Variants in ESRRG observed in about 807,000 individuals in gnomAD.
ESRRG encodes estrogen related receptor gamma.
Under a neutral mutation model 44.0 loss-of-function variants are expected in ESRRG, and 13 were observed. The observed-to-expected ratio is 0.30, with a 90% confidence interval of 0.19 to 0.47. The LOEUF (loss-of-function observed/expected upper bound fraction) is 0.47, where lower values mean the gene tolerates loss of function less well. Among genes scored for constraint, ESRRG ranks in the 20% least tolerant of loss-of-function variants. The pLI, the probability that ESRRG is intolerant of heterozygous loss-of-function variation, is 1.00. For synonymous variants in ESRRG, 215 were observed against 214.6 expected, an observed-to-expected ratio of 1.00 and a Z score of -0.02; for missense variants, 395 against 580.6, an observed-to-expected ratio of 0.68 and a Z score of 3.29.
At chr1:216,514,368 T>C (rs1412862225) in intron 6 of ESRRG, among the ~76,000 whole-genome samples, 11 of 152,242 alleles carry the variant, frequency 7.2e-5, no homozygotes, top group Non-Finnish European at 1.2e-4. Flanking sequence ...TTACTTATGG[T>C]TTGTTCTGGG....
chr1:216,819,760 A>G (rs368220368), intron 2 of ESRRG, among the ~76,000 whole-genome samples: 1 of 152,138 alleles, frequency 6.6e-6, no homozygotes, highest in East Asian at 1.9e-4. Context: ...TGGTTTGTTA[A>G]TATTAATAAT....
chr1:216,879,326 C>T (rs1222910481), intron 2 of ESRRG, among the ~76,000 whole-genome samples: 1 of 151,872 alleles, frequency 6.6e-6, no homozygotes, highest in Non-Finnish European at 1.5e-5. Context: ...CTGTCCACTG[C>T]AATTCATCTC....
intron 1 of ESRRG, among the ~76,000 whole-genome samples, chr1:216,717,602 A>T (rs1243688215): frequency 6.6e-6 from 1 of 151,830 alleles, no homozygotes; most frequent in Non-Finnish European, 1.5e-5. Context: ...AGGAATTTTA[A>T]AAAGAACATG....
intron 1 of ESRRG, among the ~76,000 whole-genome samples, chr1:217,110,681 T>A (rs1453487889): frequency 6.6e-6 from 1 of 152,030 alleles, no homozygotes; most frequent in East Asian, 1.9e-4. Flanking sequence ...CAACCAGATC[T>A]CACGAGAACT....
At chr1:216,921,816 A>T (rs904594653) in intron 2 of ESRRG, among the ~76,000 whole-genome samples, 7 of 152,228 alleles carry the variant, frequency 4.6e-5, no homozygotes, top group Non-Finnish European at 8.8e-5. Flanking sequence ...TCCCTGCTGC[A>T]TCTCTAAGGC....
chr1:216,956,662 T>A (rs1194453968), intron 1 of ESRRG, among the ~76,000 whole-genome samples: 1 of 152,172 alleles, frequency 6.6e-6, no homozygotes, highest in Non-Finnish European at 1.5e-5. Context: ...AAAAAGATTG[T>A]CTTGTGGTGA....
intron 3 of ESRRG, among the ~76,000 whole-genome samples, chr1:216,650,609 A>G (rs1352045730): frequency 6.6e-6 from 1 of 152,208 alleles, no homozygotes; most frequent in Non-Finnish European, 1.5e-5. Context: ...TTAATTAAAA[A>G]AAAAAAATCT....
chr1:216,797,556 A>T (rs1020214065), intron 2 of ESRRG, among the ~76,000 whole-genome samples: 2 of 152,192 alleles, frequency 1.3e-5, no homozygotes, highest in Admixed American at 1.3e-4. Flanking sequence ...AAGGGGGGAA[A>T]AAAATCCCAT....
At chr1:217,092,046 T>C (rs1355115572), upstream of ESRRG, among the ~76,000 whole-genome samples, 1 of 152,186 alleles carries the variant, frequency 6.6e-6, no homozygotes, top group Non-Finnish European at 1.5e-5. Context: ...GAGTGGTTTC[T>C]TACCCCAGGA....
At chr1:217,050,319 T>G (rs933405122) in intron 1 of ESRRG, among the ~76,000 whole-genome samples, 1 of 152,174 alleles carries the variant, frequency 6.6e-6, no homozygotes. Flanking sequence ...ATGAGAAAGA[T>G]CTTGATAAAA....
At chr1:216,657,083 A>G (rs979694365) in intron 2 of ESRRG, among the ~76,000 whole-genome samples, 1 of 152,108 alleles carries the variant, frequency 6.6e-6, no homozygotes, top group African/African-American at 2.4e-5. Flanking sequence ...AGGTTTTTCC[A>G]TTTTTACAGT....
chr1:217,119,490 A>G (rs79404724), intron 1 of ESRRG, among the ~76,000 whole-genome samples: 9 of 152,340 alleles, frequency 5.9e-5, no homozygotes, highest in Admixed American at 1.3e-4. Context: ...AAATGAAAAG[A>G]AAAAGAGCTA....
At chr1:216,586,083 A>C (rs1402459529) in intron 3 of ESRRG, among the ~76,000 whole-genome samples, 1 of 152,136 alleles carries the variant, frequency 6.6e-6, no homozygotes, top group Admixed American at 6.5e-5. Context: ...TAAAAGTCTT[A>C]GTAAAAACAA....
At chr1:216,740,898 T>TTA (rs11572657) in intron 2 of ESRRG, among the ~76,000 whole-genome samples, 103,103 of 149,890 alleles carry the variant, frequency 0.69, 36,224 homozygotes, top group East Asian at 0.83. Flanking sequence ...CAAAATGGGA[T>TTA]TATATATACA....
At chr1:216,769,806 A>G (rs751596732) in intron 2 of ESRRG, among the ~76,000 whole-genome samples, 17 of 152,160 alleles carry the variant, frequency 1.1e-4, no homozygotes, top group Middle Eastern at 3.2e-3. Context: ...TGCTAACTGG[A>G]CATCTGAATT....
chr1:216,889,986 C>T (rs1429342224), intron 2 of ESRRG, among the ~76,000 whole-genome samples: 1 of 152,100 alleles, frequency 6.6e-6, no homozygotes, highest in Non-Finnish European at 1.5e-5. Flanking sequence ...CTTTAATAGG[C>T]TGGGTATGGT....
intron 2 of ESRRG, among the ~76,000 whole-genome samples, chr1:216,855,705 C>T (rs2095922208): frequency 6.6e-6 from 1 of 152,154 alleles, no homozygotes; most frequent in Non-Finnish European, 1.5e-5. Flanking sequence ...CTGCCCCCTC[C>T]CCTGCTCCCC....
intron 2 of ESRRG, among the ~76,000 whole-genome samples, chr1:216,768,450 T>TTATCTATC (rs79038947): frequency 0.04 from 4,614 of 114,724 alleles, 104 homozygotes; most frequent in East Asian, 0.061. Context: ...CTATCTATCA[T>TTATCTATC]TATCTATCTA....
chr1:217,026,908 C>CAGAGAG (rs1254896528), intron 1 of ESRRG, among the ~76,000 whole-genome samples: 2,552 of 90,226 alleles, frequency 0.028, 45 homozygotes, highest in East Asian at 0.057. Flanking sequence ...CACACACACA[C>CAGAGAG]ACACAGAGAG....
Sources: allele counts gnomAD v4.1 joint callset (sites outside exome capture counted in the v4.1 genomes callset), GRCh38; gene constraint gnomAD v4.1.1; transcripts MANE v1.5; gene names NCBI Gene and HGNC (gene_info 2026-07-23, HGNC 2026-07-21).